Variants in ANKRD12 observed in about 807,000 individuals in gnomAD.
ANKRD12 encodes the protein ankyrin repeat domain-containing protein 12.
Under a neutral mutation model 183.4 loss-of-function variants are expected in ANKRD12, and 85 were observed. The observed-to-expected ratio is 0.46, with a 90% confidence interval of 0.39 to 0.56. ANKRD12 has a LOEUF of 0.56. ANKRD12 is among the 20% of genes least tolerant of loss of function. The pLI is 0.00. For missense variants in ANKRD12, 2,405 were observed against 2,357.1 expected, an observed-to-expected ratio of 1.02 and a Z score of -0.42; for synonymous variants, 914 against 800.2, an observed-to-expected ratio of 1.14 and a Z score of -2.40.
intron 2 of ANKRD12, among the ~76,000 whole-genome samples, chr18:9,192,421 A>G (rs565646886): frequency 2.3e-4 from 35 of 152,268 alleles, no homozygotes; most frequent in African/African-American, 8.2e-4. Context: ...TATTCTAAGA[A>G]TTGAATTTGG....
At position 9,227,569 on chromosome 18, in the gene ANKRD12, A is replaced by G. The variant is rs766626180; in HGVS notation, c.943+5570A>G. On this transcript the variant is annotated intron_variant, in intron 8 of 12. Transcript: ENST00000262126. Reference sequence around the variant, plus strand: ...AGGAGACAATTTGGAGCAGTTTTGTATTGACCAAAGATGGGACAATGTGAG... The same window carrying G: ...AGGAGACAATTTGGAGCAGTTTTGTGTTGACCAAAGATGGGACAATGTGAG... Among the ~76,000 whole-genome samples, 63 of 152,232 alleles carry G rather than the reference A, an allele frequency of 4.1e-4. 1 individual carries two copies. The highest frequency in any genetic ancestry group is 1.9e-4 in the Non-Finnish European group (13 of 68,034).
chr18:9,256,301 C>A lies in ANKRD12; in HGVS notation c.3034C>A (p.Pro1012Thr), dbSNP rs143532549. ...EKTKDEPLKT[P>T]DGKEKDKKDK... ...AACAAAAGATGAACCTTTGAAAACT[C>A]CAGATGGAAAAGAAAAAGATAAAAA... The change falls in exon 9 of 13, where the codon CCA (proline) becomes ACA (threonine). Residue 1012 changes from proline (P) to threonine (T), a missense_variant. This residue lies in a region of ANKRD12 where 1,983 missense variants were observed against 1,725.9 expected (regional missense o/e 1.15). Coordinates refer to ENST00000262126, the MANE Select transcript of ANKRD12 (RefSeq NM_015208.5). The A allele has an allele frequency of 3.5e-4, 556 of 1,598,666 alleles. No homozygotes were observed. The highest frequency in any genetic ancestry group is 4.5e-4 in the Non-Finnish European group (533 of 1,175,048).
At chr18:9,267,151 C>T (rs1325844207) in intron 10 of ANKRD12, among the ~76,000 whole-genome samples, 1 of 152,152 alleles carries the variant, frequency 6.6e-6, no homozygotes, top group African/African-American at 2.4e-5. Flanking sequence ...GACTTAGATT[C>T]CCACACAATA....
At chr18:9,236,973 C>G (rs1717606969) in intron 8 of ANKRD12, among the ~76,000 whole-genome samples, 1 of 152,098 alleles carries the variant, frequency 6.6e-6, no homozygotes, top group African/African-American at 2.4e-5. Flanking sequence ...CTGTACCTGG[C>G]TGAGATACTA....
intron 3 of ANKRD12, among the ~76,000 whole-genome samples, chr18:9,202,879 A>G (rs981406929): frequency 3.3e-5 from 5 of 152,228 alleles, no homozygotes; most frequent in Non-Finnish European, 5.9e-5. Flanking sequence ...GTAAAAGCCA[A>G]AGAGTGTGTG....
intron 1 of ANKRD12, chr18:9,137,675 C>T (rs2078164458): frequency 6.6e-6 from 1 of 152,158 alleles, no homozygotes; most frequent in Admixed American, 6.5e-5. Flanking sequence ...AGCCACTCTA[C>T]AGTTCTGTCT....
chr18:9,203,269 A>G (rs1181226845), intron 3 of ANKRD12, among the ~76,000 whole-genome samples: 1 of 152,150 alleles, frequency 6.6e-6, no homozygotes, highest in Non-Finnish European at 1.5e-5. Flanking sequence ...CCTTCTCGTC[A>G]CTAAACTTTT....
intron 7 of ANKRD12, among the ~76,000 whole-genome samples, chr18:9,221,474 C>CA (rs2036417622): frequency 6.6e-6 from 1 of 152,206 alleles, no homozygotes; most frequent in Non-Finnish European, 1.5e-5. Flanking sequence ...CTAAGACACA[C>CA]ATTTCAAGAG....
chr18:9,278,391 TGTG>T (rs1207831761), intron 11 of ANKRD12, among the ~76,000 whole-genome samples: 3 of 152,138 alleles, frequency 2.0e-5, no homozygotes, highest in Non-Finnish European at 2.9e-5. Flanking sequence ...GCACCTGAAA[TGTG>T]GTAAAGAAAA....
intron 8 of ANKRD12, among the ~76,000 whole-genome samples, chr18:9,234,579 C>T (rs183907472): frequency 3.3e-4 from 50 of 152,278 alleles, no homozygotes; most frequent in African/African-American, 1.2e-3. Flanking sequence ...CACTGTGCCA[C>T]TATAGTCCTC....
chr18:9,141,752 G>C (rs1039193402), intron 1 of ANKRD12, among the ~76,000 whole-genome samples: 1 of 152,016 alleles, frequency 6.6e-6, no homozygotes, highest in Non-Finnish European at 1.5e-5. Context: ...TACCTTTCTG[G>C]TTTTCAGTGT....
At chr18:9,273,782 A>G (rs1258763856) in intron 10 of ANKRD12, among the ~76,000 whole-genome samples, 2 of 152,244 alleles carry the variant, frequency 1.3e-5, no homozygotes, top group Non-Finnish European at 2.9e-5. Flanking sequence ...CTGGGCCTTA[A>G]GGTCACCTTA....
chr18:9,266,764 C>G (rs2039313382), intron 10 of ANKRD12, among the ~76,000 whole-genome samples: 1 of 152,132 alleles, frequency 6.6e-6, no homozygotes, highest in African/African-American at 2.4e-5. Context: ...TCACACATAA[C>G]AATATTAACC....
At chr18:9,239,424 T>A in intron 8 of ANKRD12, 1 of 866,540 alleles carries the variant, frequency 1.2e-6, no homozygotes, top group Non-Finnish European at 1.6e-6. Context: ...CTTTTTGATT[T>A]TCACTGATCT....
chr18:9,136,808 G>A lies in ANKRD12; in HGVS notation c.-209G>A, dbSNP rs943483505. On this transcript the variant is annotated 5_prime_UTR_variant, in exon 1 of 13. Transcript: ENST00000262126. ...GGGGCGACGCTGTCCTGGGAGCGAG[G>A]AGGCTGTGGTGAGAGACGGACCGAG... 6.6e-6 allele frequency: 1 copy of A among 152,294 alleles called. No homozygotes were observed. Among genetic ancestry groups the A allele is most frequent in the African/African-American group, 2.4e-5 (1 of 41,464 alleles). 9.4% of individuals were successfully genotyped at this position (152,294 alleles called of 1,614,324 possible).
Position 9,222,031 on chromosome 18 carries a change from C to G in ANKRD12, c.943+32C>G, listed in dbSNP as rs372694389. 11 of 1,605,732 alleles carry G rather than the reference C, an allele frequency of 6.9e-6. No homozygotes were observed. In the East Asian group the frequency reaches 2.0e-4, roughly 29 times the overall value. The stretch of plus-strand genomic sequence containing the variant: ...TTCAGATAATCTACATTCATCTGTT[C>G]GTTTGACATGATATTTGATAGAACA... On this transcript the variant is annotated intron_variant, in intron 8 of 12. Coordinates refer to ENST00000262126, the MANE Select transcript of ANKRD12 (RefSeq NM_015208.5).
intron 1 of ANKRD12, among the ~76,000 whole-genome samples, chr18:9,143,874 A>G (rs1049503903): frequency 6.6e-6 from 1 of 152,208 alleles, no homozygotes; most frequent in Non-Finnish European, 1.5e-5. Context: ...AATGGTTGAC[A>G]GCAGATTGGC....
intron 6 of ANKRD12, among the ~76,000 whole-genome samples, chr18:9,214,475 A>G (rs2035982620): frequency 6.6e-6 from 1 of 152,030 alleles, no homozygotes; most frequent in African/African-American, 2.4e-5. Flanking sequence ...TGTGACTGAC[A>G]CAAATCATCT....
In ANKRD12 at chr18:9,285,559, C is replaced by G. The variant is rs1457885084; in HGVS notation, c.*4433C>G. The G allele has an allele frequency of 1.3e-5, 2 of 151,696 alleles. No individual in the cohort carries two copies. The highest frequency in any genetic ancestry group is 2.9e-5 in the Non-Finnish European group (2 of 67,974). 9.4% of individuals were successfully genotyped at this position (151,696 alleles called of 1,614,324 possible). The stretch of plus-strand genomic sequence containing the variant: ...CTCAGTTTTTTTTCATTGTTATAGT[C>G]TGTATTCAATAAAATTACCCAGATC... On this transcript the variant is annotated 3_prime_UTR_variant, in exon 13 of 13. Transcript: ENST00000262126.
Sources: gnomAD v4.1 joint callset for allele counts (sites outside exome capture counted in the v4.1 genomes callset) on GRCh38, gnomAD v4.1.1 for gene constraint, gnomAD v4.1.1 regional missense constraint, MANE v1.5 for transcripts, NCBI Gene and HGNC (gene_info 2026-07-23, HGNC 2026-07-21) for gene names.